SESN3: variants seen among roughly 807,000 people sequenced by gnomAD.
SESN3 encodes the protein sestrin-3.
A neutral mutation model predicts 55.3 loss-of-function variants in SESN3; 21 were observed. The ratio of observed to expected loss-of-function variants is 0.38; its 90% confidence interval spans 0.27 to 0.55. The LOEUF (loss-of-function observed/expected upper bound fraction) is 0.55, where lower values mean the gene tolerates loss of function less well. SESN3 is among the 20% of genes least tolerant of loss of function. The pLI is 0.76. For synonymous variants in SESN3, 181 were observed against 203.1 expected (o/e 0.89, Z 0.93); for missense variants, 408 against 604.3 (o/e 0.68, Z 3.41).
Position 95,177,796 on chromosome 11 carries a change from C to T in SESN3, c.1170G>A (p.Met390Ile). ...TTGTGTCAACATCCTCATGGGTGGC[C>T]ATAGTGTTATATGTGAGATTGTAGA... ...RMVYNLTYNT[M>I]ATHEDVDTTM... Residue 390 changes from methionine to isoleucine, a missense_variant, in exon 8 of 10, where the codon ATG becomes ATA. Transcript: ENST00000536441. 1.2e-6 allele frequency: 2 copies of T among 1,610,002 alleles called. No homozygotes were observed. The highest frequency in any genetic ancestry group is 1.7e-6 in the Non-Finnish European group (2 of 1,178,770).
intron 6 of SESN3, among the ~76,000 whole-genome samples, chr11:95,183,738 T>C (rs1860108677): frequency 6.6e-6 from 1 of 151,980 alleles, no homozygotes; most frequent in Non-Finnish European, 1.5e-5. Context: ...AGTTTAAACT[T>C]TGTATTGAGT....
chr11:95,192,401 A>C lies in SESN3; in HGVS notation c.145-800T>G, dbSNP rs574067188. Reference sequence around the variant, plus strand: ...GGGAGTTAATGGACATGAGATGCATAATTCTAAGAGTGGTTCATTGTTTAT... The same window carrying C: ...GGGAGTTAATGGACATGAGATGCATCATTCTAAGAGTGGTTCATTGTTTAT... On this transcript the variant is annotated intron_variant, in intron 2 of 9. Coordinates refer to ENST00000536441, the MANE Select transcript of SESN3 (RefSeq NM_144665.4). 2.0e-5 allele frequency among the ~76,000 whole-genome samples: 3 copies of C among 152,198 alleles called. No homozygotes were observed. The South Asian group carries it at 6.2e-4, about 32-fold the overall frequency.
chr11:95,218,938 C>T (rs1706388338), intron 1 of SESN3, among the ~76,000 whole-genome samples: 2 of 152,132 alleles, frequency 1.3e-5, no homozygotes, highest in African/African-American at 4.8e-5. Flanking sequence ...AGGCGTGAGC[C>T]GCCGCACCCG....
At chr11:95,183,347 A>C (rs1416037692) in intron 6 of SESN3, among the ~76,000 whole-genome samples, 3 of 152,144 alleles carry the variant, frequency 2.0e-5, no homozygotes, top group Non-Finnish European at 4.4e-5. Context: ...AAAATTTTTC[A>C]TAAAAAAGAT....
chr11:95,195,926 T>C (rs1444649844), intron 1 of SESN3, among the ~76,000 whole-genome samples: 4 of 152,232 alleles, frequency 2.6e-5, no homozygotes. Context: ...TGAAGCGTTT[T>C]ATTGTATGCT....
chr11:95,230,662 G>C lies in SESN3; in HGVS notation c.78+121C>G, dbSNP rs138308840. On this transcript the variant is annotated intron_variant, in intron 1 of 9. Coordinates refer to ENST00000536441, the MANE Select transcript of SESN3 (RefSeq NM_144665.4). This position sits in a 1 kb window ranked among gnomAD's most constrained non-coding sequence, Gnocchi z 4.6. ...CCACGCCCCCTTTCTCAGTCCCTGC[G>C]GAGGGACGGTGCCCGGGGATCCCTC... 17 of 676,074 alleles carry C rather than the reference G, an allele frequency of 2.5e-5. No individual in the cohort carries two copies. Among genetic ancestry groups the C allele is most frequent in the Non-Finnish European group, 4.2e-5 (17 of 402,706 alleles). The allele number at this position is 676,074 out of a possible 1,614,324, so 41.9% of individuals were successfully genotyped here. A position where few individuals can be genotyped will look rare whatever the true frequency, so the allele number is the denominator to read the frequency against.
intron 1 of SESN3, among the ~76,000 whole-genome samples, chr11:95,196,457 A>ATT (rs143884275): frequency 1.4e-5 from 2 of 146,778 alleles, no homozygotes; most frequent in Admixed American, 1.4e-4. Context: ...CAAAAGATTG[A>ATT]TTTTTTTTTT....
intron 1 of SESN3, among the ~76,000 whole-genome samples, chr11:95,206,393 C>CACAT (rs1375944845): frequency 3.3e-5 from 5 of 151,898 alleles, no homozygotes; most frequent in African/African-American, 1.2e-4. Flanking sequence ...CACACACACA[C>CACAT]ACACACACAC....
intron 6 of SESN3, 192 bp downstream of exon 6, chr11:95,184,228 C>G (rs1860117906): frequency 1.2e-5 from 7 of 602,488 alleles, no homozygotes; most frequent in Admixed American, 6.0e-5. Context: ...TTTCTCTCAA[C>G]TCAATCTGAA....
intron 1 of SESN3, among the ~76,000 whole-genome samples, chr11:95,194,946 C>T (rs1306325455): frequency 6.6e-6 from 1 of 152,034 alleles, no homozygotes; most frequent in Non-Finnish European, 1.5e-5. Flanking sequence ...CAACAACAAA[C>T]TTAACGAAGT....
At chr11:95,193,597 T>C (rs929358174) in intron 1 of SESN3, 75 bp from the exon 2 acceptor site, 3 of 808,920 alleles carry the variant, frequency 3.7e-6, no homozygotes, top group African/African-American at 1.7e-5. Flanking sequence ...CATTTATTGC[T>C]AAGGTACTAA....
At chr11:95,205,904 G>T (rs1377746595) in intron 1 of SESN3, among the ~76,000 whole-genome samples, 3 of 151,908 alleles carry the variant, frequency 2.0e-5, no homozygotes, top group Non-Finnish European at 4.4e-5. Flanking sequence ...TATTGAGGGG[G>T]TGGAGTTGGG....
intron 1 of SESN3, among the ~76,000 whole-genome samples, chr11:95,198,687 T>C (rs1002802380): frequency 3.9e-5 from 6 of 152,202 alleles, no homozygotes; most frequent in Admixed American, 6.5e-5. Flanking sequence ...AAATTTAAGC[T>C]GATTAACATT....
At chr11:95,209,974 G>A (rs1442046380) in intron 1 of SESN3, among the ~76,000 whole-genome samples, 1 of 124,658 alleles carries the variant, frequency 8.0e-6, no homozygotes, top group African/African-American at 3.1e-5. Context: ...CCAAGAACAC[G>A]CCATTGCACT....
Position 95,184,684 on chromosome 11 carries a change from C to T in SESN3, c.763-90G>A, listed in dbSNP as rs1362322205. ...TCTCCAAATGTCACCTTACTATGTA[C>T]AGCGGAACAGGCACAGTTATGAAGT... is the stretch of plus-strand genomic sequence containing the variant. On this transcript the variant is annotated intron_variant, in intron 5 of 9. Transcript: ENST00000536441. 8.5e-6 allele frequency: 10 copies of T among 1,177,846 alleles called. No homozygotes were observed. In the East Asian group the frequency reaches 1.2e-4, roughly 14 times the overall value. The allele number at this position is 1,177,846 out of a possible 1,614,324, so 73.0% of individuals were successfully genotyped here. A position where few individuals can be genotyped will look rare whatever the true frequency, so the allele number is the denominator to read the frequency against.
chr11:95,190,473 A>G (rs1860246068), intron 3 of SESN3, among the ~76,000 whole-genome samples: 1 of 151,830 alleles, frequency 6.6e-6, no homozygotes, highest in Admixed American at 6.6e-5. Flanking sequence ...TCAGCCCTCA[A>G]TTGACCTCTT....
At chr11:95,198,356 A>C (rs1860401685) in intron 1 of SESN3, among the ~76,000 whole-genome samples, 1 of 151,932 alleles carries the variant, frequency 6.6e-6, no homozygotes, top group Admixed American at 6.5e-5. Flanking sequence ...AAAAAAAAAA[A>C]AAAAGAACCC....
intron 1 of SESN3, among the ~76,000 whole-genome samples, chr11:95,197,561 C>T (rs1309027445): frequency 2.0e-5 from 3 of 151,902 alleles, no homozygotes; most frequent in African/African-American, 7.3e-5. Context: ...TCTCCTGCCT[C>T]AGCCTCCCGA....
intron 1 of SESN3, among the ~76,000 whole-genome samples, chr11:95,205,459 AG>A (rs1474378717): frequency 6.6e-6 from 1 of 152,178 alleles, no homozygotes; most frequent in Non-Finnish European, 1.5e-5. Flanking sequence ...GCTAGTTAGC[AG>A]ACTAAACAGA....
Sources: allele counts gnomAD v4.1 joint callset (sites outside exome capture counted in the v4.1 genomes callset), GRCh38; gene constraint gnomAD v4.1.1; non-coding constraint Gnocchi (gnomAD v3.1); transcripts MANE v1.5; gene names NCBI Gene and HGNC (gene_info 2026-07-23, HGNC 2026-07-21).